The following LURAP1L variants were observed in gnomAD, a reference collection of about 807,000 sequenced individuals.
LURAP1L encodes leucine rich adaptor protein 1 like, also known as leucine rich adaptor protein 1-like.
Under a neutral mutation model 13.8 loss-of-function variants are expected in LURAP1L, and 12 were observed. The observed-to-expected ratio is 0.87, with a 90% CI of 0.56 to 1.41. The LOEUF is 1.41. Ranked by LOEUF, LURAP1L falls within the 40% of genes most tolerant of loss-of-function variation. LURAP1L has a pLI of 0.00. For missense variants in LURAP1L, 375 were observed against 292.9 expected, an observed-to-expected ratio of 1.28 and a Z score of -2.04; for synonymous variants, 139 against 119.2, an observed-to-expected ratio of 1.17 and a Z score of -1.08.
At chr9:12,801,968 C>T (rs1257969570) in intron 1 of LURAP1L, among the ~76,000 whole-genome samples, 8 of 152,246 alleles carry the variant, frequency 5.3e-5, no homozygotes, top group African/African-American at 1.7e-4. Context: ...ATTCCCAGTC[C>T]ATTTCCTTCT....
intron 1 of LURAP1L, among the ~76,000 whole-genome samples, chr9:12,799,676 C>G (rs960530050): frequency 6.6e-6 from 1 of 152,120 alleles, no homozygotes; most frequent in African/African-American, 2.4e-5. Flanking sequence ...GTCAGGAGAT[C>G]GAGACCACTG....
intron 1 of LURAP1L, among the ~76,000 whole-genome samples, chr9:12,784,198 C>A (rs140565059): frequency 5.3e-4 from 80 of 152,164 alleles, no homozygotes; most frequent in African/African-American, 1.9e-3. Flanking sequence ...GTTACTGGTG[C>A]CCTTATTTAG....
At chr9:12,820,428 A>G (rs1221657750) in intron 1 of LURAP1L, among the ~76,000 whole-genome samples, 3 of 145,930 alleles carry the variant, frequency 2.1e-5, no homozygotes, top group Non-Finnish European at 4.5e-5. Context: ...GCGTGAACTC[A>G]GGAGGCGGAG....
At chr9:12,793,595 G>T (rs1288075423) in intron 1 of LURAP1L, among the ~76,000 whole-genome samples, 1 of 152,006 alleles carries the variant, frequency 6.6e-6, no homozygotes, top group Admixed American at 6.6e-5. Context: ...ATTCAGTGAA[G>T]CAATTGACTA....
chr9:12,786,746 A>G (rs990391812), intron 1 of LURAP1L, among the ~76,000 whole-genome samples: 1 of 151,326 alleles, frequency 6.6e-6, no homozygotes, highest in Non-Finnish European at 1.5e-5. Context: ...TGAAGACATA[A>G]TATCTCTCAA....
At chr9:12,784,594 G>A (rs528475001) in intron 1 of LURAP1L, among the ~76,000 whole-genome samples, 11 of 152,222 alleles carry the variant, frequency 7.2e-5, no homozygotes, top group Admixed American at 2.0e-4. Context: ...GGGGTGACAC[G>A]AGCACCTCTG....
At chr9:12,789,517 G>C (rs1423594722) in intron 1 of LURAP1L, among the ~76,000 whole-genome samples, 1 of 152,132 alleles carries the variant, frequency 6.6e-6, no homozygotes, top group South Asian at 2.1e-4. Context: ...GCAGCACCTG[G>C]AGTGATTAGT....
At chr9:12,816,961 G>C (rs1819812811) in intron 1 of LURAP1L, among the ~76,000 whole-genome samples, 1 of 152,128 alleles carries the variant, frequency 6.6e-6, no homozygotes, top group African/African-American at 2.4e-5. Flanking sequence ...CCTTTGTTCA[G>C]TTCATTTTGC....
intron 1 of LURAP1L, among the ~76,000 whole-genome samples, chr9:12,787,760 G>A (rs1008846146): frequency 1.1e-4 from 17 of 152,130 alleles, no homozygotes; most frequent in Middle Eastern, 3.4e-3. Flanking sequence ...ACTTCACCGC[G>A]TGTGCCTGAA....
At chr9:12,820,936 T>C (rs1819870245) in intron 1 of LURAP1L, among the ~76,000 whole-genome samples, 1 of 152,186 alleles carries the variant, frequency 6.6e-6, no homozygotes, top group African/African-American at 2.4e-5. Context: ...ACATTATCAC[T>C]CCATAATCAG....
At chr9:12,777,064 T>G (rs1052666195) in intron 1 of LURAP1L, 1 of 209,098 alleles carries the variant, frequency 4.8e-6, no homozygotes. Flanking sequence ...TAAATTAACT[T>G]CACAGTTGCT....
intron 1 of LURAP1L, among the ~76,000 whole-genome samples, chr9:12,781,201 C>T (rs1819265063): frequency 1.3e-5 from 2 of 152,114 alleles, no homozygotes; most frequent in South Asian, 2.1e-4. Flanking sequence ...GAACTCCTGA[C>T]CTCAGGTGAT....
chr9:12,800,200 T>C (rs1242285966), intron 1 of LURAP1L, among the ~76,000 whole-genome samples: 7 of 152,206 alleles, frequency 4.6e-5, no homozygotes, highest in Admixed American at 4.6e-4. Flanking sequence ...GTAGAGGAGA[T>C]AACTAAATTT....
intron 1 of LURAP1L, among the ~76,000 whole-genome samples, chr9:12,787,340 A>AC (rs1819371234): frequency 6.6e-6 from 1 of 152,196 alleles, no homozygotes; most frequent in African/African-American, 2.4e-5. Flanking sequence ...GTATATATAT[A>AC]TGTATATGTA....
intron 1 of LURAP1L, among the ~76,000 whole-genome samples, chr9:12,777,999 A>AT (rs58621993): frequency 0.03 from 4,630 of 152,274 alleles, 74 homozygotes; most frequent in African/African-American, 0.036. Context: ...CCTAATATTT[A>AT]TTAAGACTTT....
At chr9:12,776,103 G>T in intron 1 of LURAP1L, 76 bp downstream of exon 1, 2 of 1,438,392 alleles carry the variant, frequency 1.4e-6, no homozygotes, top group East Asian at 2.3e-5. Flanking sequence ...GAATGGGGCT[G>T]GGAGAGAGGA....
chr9:12,804,048 A>T (rs2118519859), intron 1 of LURAP1L, among the ~76,000 whole-genome samples: 1 of 152,316 alleles, frequency 6.6e-6, no homozygotes, highest in South Asian at 2.1e-4. Flanking sequence ...GAAAAGACAA[A>T]GTTTATTTAA....
rs768218549 is a variant in LURAP1L at position 12,821,644 on chromosome 9, C to T, written c.571C>T (p.Pro191Ser). 2 of 1,614,010 alleles carry T rather than the reference C, an allele frequency of 1.2e-6. No homozygotes were observed. Among genetic ancestry groups the T allele is most frequent in the Non-Finnish European group, 1.7e-6 (2 of 1,180,044 alleles). ...TCTGGACACGTTGGCGGATGATGTC[C>T]CAGGCCATCAGACCCCTTCAGACTT... ...SYLDTLADDV[P>S]GHQTPSDLDQ... is the part of the protein sequence containing the mutation. The change falls in exon 2 of 2, where the codon CCA (proline) becomes TCA (serine). Residue 191 changes from proline (P) to serine (S), a missense_variant. Transcript: ENST00000319264.
At chr9:12,787,163 A>G (rs1253058956) in intron 1 of LURAP1L, among the ~76,000 whole-genome samples, 2 of 152,108 alleles carry the variant, frequency 1.3e-5, no homozygotes, top group Non-Finnish European at 2.9e-5. Context: ...CCTATTCCCT[A>G]GAGATGATTC....
Sources: allele counts gnomAD v4.1 joint callset (sites outside exome capture counted in the v4.1 genomes callset), GRCh38; gene constraint gnomAD v4.1.1; transcripts MANE v1.5; gene names NCBI Gene and HGNC (gene_info 2026-07-23, HGNC 2026-07-21).